The following PDE3B variants were observed in gnomAD, a reference collection of about 807,000 sequenced individuals.
PDE3B encodes the protein phosphodiesterase 3B, also known as cGMP-inhibited 3',5'-cyclic phosphodiesterase 3B.
Under a neutral mutation model 116.8 loss-of-function variants are expected in PDE3B, and 66 were observed. That is an observed-to-expected ratio of 0.56 (90% CI 0.46 to 0.69). The LOEUF (loss-of-function observed/expected upper bound fraction) is 0.69, where lower values mean the gene tolerates loss of function less well. Ranked by LOEUF, PDE3B falls within the 30% of genes least tolerant of loss-of-function variation. PDE3B has a pLI of 0.00. For synonymous variants in PDE3B, 595 were observed against 533.6 expected, an observed-to-expected ratio of 1.12 and a Z score of -1.59; for missense variants, 1,384 against 1,368.1, an observed-to-expected ratio of 1.01 and a Z score of -0.18.
intron 4 of PDE3B, among the ~76,000 whole-genome samples, chr11:14,801,894 C>A (rs1294140694): frequency 6.6e-6 from 1 of 152,202 alleles, no homozygotes; most frequent in African/African-American, 2.4e-5. Context: ...TGGGGTCCAC[C>A]CAGTTCAAAC....
chr11:14,754,069 C>G (rs1212241803), intron 1 of PDE3B, among the ~76,000 whole-genome samples: 1 of 151,676 alleles, frequency 6.6e-6, no homozygotes, highest in Non-Finnish European at 1.5e-5. Flanking sequence ...AGACTTTAGA[C>G]AAAGGAATAT....
At chr11:14,867,851 A>G in intron 15 of PDE3B, 93 bp downstream of exon 15, 1 of 1,135,796 alleles carries the variant, frequency 8.8e-7, no homozygotes, top group Non-Finnish European at 1.2e-6. Context: ...CAAAATCCAA[A>G]ATTTTTTGAG....
intron 14 of PDE3B, among the ~76,000 whole-genome samples, chr11:14,865,443 T>G (rs1555007896): frequency 6.6e-6 from 1 of 151,916 alleles, no homozygotes; most frequent in Non-Finnish European, 1.5e-5. Flanking sequence ...TTAACATGAG[T>G]GGAAAGTGGG....
At chr11:14,731,730 T>G (rs1856464092) in intron 1 of PDE3B, among the ~76,000 whole-genome samples, 1 of 152,122 alleles carries the variant, frequency 6.6e-6, no homozygotes, top group Non-Finnish European at 1.5e-5. Flanking sequence ...CAAATGATAG[T>G]CATAGTAGTA....
intron 1 of PDE3B, among the ~76,000 whole-genome samples, chr11:14,748,824 A>G (rs1444187423): frequency 6.6e-6 from 1 of 152,008 alleles, no homozygotes; most frequent in Non-Finnish European, 1.5e-5. Flanking sequence ...CCATACTAAA[A>G]TGATACTATT....
chr11:14,691,903 A>T (rs1472841797), intron 1 of PDE3B, among the ~76,000 whole-genome samples: 2 of 152,184 alleles, frequency 1.3e-5, no homozygotes, highest in African/African-American at 4.8e-5. Context: ...GTTTACTAAG[A>T]TCAAATCATT....
At chr11:14,846,938 G>C (rs1467045681) in intron 12 of PDE3B, among the ~76,000 whole-genome samples, 1 of 152,160 alleles carries the variant, frequency 6.6e-6, no homozygotes, top group African/African-American at 2.4e-5. Context: ...CAATGAGACA[G>C]AAAGTTAACA....
At chr11:14,745,576 C>G (rs1856890106) in intron 1 of PDE3B, among the ~76,000 whole-genome samples, 1 of 152,130 alleles carries the variant, frequency 6.6e-6, no homozygotes, top group Non-Finnish European at 1.5e-5. Flanking sequence ...CATTTGTCAA[C>G]TTTGATGTTA....
intron 2 of PDE3B, among the ~76,000 whole-genome samples, chr11:14,780,003 A>AG (rs1157706659): frequency 6.6e-6 from 1 of 151,444 alleles, no homozygotes; most frequent in Non-Finnish European, 1.5e-5. Context: ...AAAAAAAAAA[A>AG]GCAGGGGTTG....
chr11:14,870,207 G>A lies in PDE3B; in HGVS notation c.*547G>A, dbSNP rs1258330138. The A allele has an allele frequency of 6.6e-6, 1 of 152,326 alleles. No homozygotes were observed. Among genetic ancestry groups the A allele is most frequent in the Non-Finnish European group, 1.5e-5 (1 of 68,100 alleles). The allele number at this position is 152,326 out of a possible 1,614,324, so 9.4% of individuals were successfully genotyped here. On this transcript the variant is annotated 3_prime_UTR_variant, in exon 16 of 16. Coordinates refer to ENST00000282096, the MANE Select transcript of PDE3B (RefSeq NM_000922.4). This position sits in a 1 kb window ranked among gnomAD's most constrained non-coding sequence, Gnocchi z 4.1. ...TACACTGTTCAGTGCTATTCTCCCA[G>A]CTAGGTTTATCCATGAAGGACTGAG... is the stretch of plus-strand genomic sequence containing the variant.
intron 1 of PDE3B, among the ~76,000 whole-genome samples, chr11:14,746,164 C>T (rs929904724): frequency 2.6e-5 from 4 of 152,156 alleles, no homozygotes; most frequent in Admixed American, 1.3e-4. Context: ...GAGGCCAAGG[C>T]GGATGGATCA....
chr11:14,778,146 G>T (rs1449045261), intron 2 of PDE3B, among the ~76,000 whole-genome samples: 2 of 152,182 alleles, frequency 1.3e-5, no homozygotes, highest in African/African-American at 4.8e-5. Flanking sequence ...TGAGGCTTGA[G>T]TAGGTAAACA....
intron 1 of PDE3B, among the ~76,000 whole-genome samples, chr11:14,760,374 G>A (rs529975647): frequency 9.8e-4 from 149 of 152,218 alleles, no homozygotes; most frequent in African/African-American, 3.3e-3. Flanking sequence ...TATGTGCTGC[G>A]TACTCACTGT....
rs188213750 is a variant in PDE3B, at chr11:14,737,020, A to C, written c.979-34917A>C. On this transcript the variant is annotated intron_variant, in intron 1 of 15. Coordinates refer to ENST00000282096, the MANE Select transcript of PDE3B (RefSeq NM_000922.4). ...CAACATTGAGTAATTTGCTTCATCT[A>C]TCTGGGTCTCAGCTTTCTTATCTTT... Among the ~76,000 whole-genome samples, 385 of 152,318 alleles carry C rather than the reference A, an allele frequency of 2.5e-3. 2 individuals carry two copies. Among genetic ancestry groups the C allele is most frequent in the African/African-American group, 8.8e-3 (367 of 41,572 alleles).
intron 1 of PDE3B, among the ~76,000 whole-genome samples, chr11:14,705,180 CAG>C (rs1180406101): frequency 6.6e-6 from 1 of 151,642 alleles, no homozygotes; most frequent in Non-Finnish European, 1.5e-5. Context: ...GAAATGAAAA[CAG>C]ATATCCACAC....
intron 7 of PDE3B, among the ~76,000 whole-genome samples, chr11:14,823,226 G>A (rs1010692252): frequency 3.9e-5 from 6 of 152,066 alleles, no homozygotes; most frequent in East Asian, 3.9e-4. Context: ...GTCTCTCACC[G>A]CAGCACAGTA....
chr11:14,705,650 CGAAG>C (rs1229887271), intron 1 of PDE3B, among the ~76,000 whole-genome samples: 1 of 151,692 alleles, frequency 6.6e-6, no homozygotes, highest in Non-Finnish European at 1.5e-5. Context: ...ACAAGTTTGA[CGAAG>C]GAACTTAGGA....
At chr11:14,684,728 T>A (rs1854816898) in intron 1 of PDE3B, among the ~76,000 whole-genome samples, 1 of 152,168 alleles carries the variant, frequency 6.6e-6, no homozygotes, top group Admixed American at 6.5e-5. Flanking sequence ...AGGGATGCAT[T>A]CCTTTCCCAG....
In PDE3B at chr11:14,675,474, A is replaced by C. The variant is rs1036884103; in HGVS notation, c.978+30421A>C. ...GTTATATACACTTATGTAATCATGA[A>C]CCAAAACAAGATACAGAATCTTTCC... On this transcript the variant is annotated intron_variant, in intron 1 of 15. Transcript: ENST00000282096. Among the ~76,000 whole-genome samples the C allele has an allele frequency of 7.2e-4, 110 of 152,122 alleles. 1 individual carries two copies. Among genetic ancestry groups the C allele is most frequent in the African/African-American group, 2.7e-3 (110 of 41,448 alleles).
Sources: gnomAD v4.1 joint callset for allele counts (sites outside exome capture counted in the v4.1 genomes callset) on GRCh38, gnomAD v4.1.1 for gene constraint, Gnocchi (gnomAD v3.1) non-coding constraint, MANE v1.5 for transcripts, NCBI Gene and HGNC (gene_info 2026-07-23, HGNC 2026-07-21) for gene names.